The following UGP2 variants were observed in gnomAD, a reference collection of about 807,000 sequenced individuals.
UGP2 encodes UTP--glucose-1-phosphate uridylyltransferase.
Under a neutral mutation model 49.0 loss-of-function variants are expected in UGP2, and 40 were observed. The observed-to-expected ratio is 0.82, with a 90% CI of 0.63 to 1.06. The LOEUF (loss-of-function observed/expected upper bound fraction) is 1.06. Ranked by LOEUF, UGP2 falls within the 50% of genes least tolerant of loss-of-function variation. The probability of loss-of-function intolerance (pLI) is 0.00; values close to 1 mark genes in which losing one functional copy is unlikely to be tolerated. For missense variants in UGP2, 460 were observed against 603.5 expected (o/e 0.76, Z 2.49); for synonymous variants, 225 against 213.0 (o/e 1.06, Z -0.49).
chr2:63,890,919 C>G (rs1672097167), intron 9 of UGP2, among the ~76,000 whole-genome samples: 1 of 152,152 alleles, frequency 6.6e-6, no homozygotes, highest in East Asian at 1.9e-4. Flanking sequence ...GACAGAGAAT[C>G]TAGAACTACT....
chr2:63,851,644 C>A (rs1490794981), intron 1 of UGP2, among the ~76,000 whole-genome samples: 2 of 152,156 alleles, frequency 1.3e-5, no homozygotes, highest in African/African-American at 4.8e-5. Flanking sequence ...TCTGCCTCCC[C>A]TTTTCTGAAA....
At chr2:63,858,808 TTCAG>T (rs1205972695) in intron 3 of UGP2, among the ~76,000 whole-genome samples, 3 of 151,948 alleles carry the variant, frequency 2.0e-5, no homozygotes, top group African/African-American at 4.8e-5. Flanking sequence ...TAGGTGTAAA[TTCAG>T]TCAGATTCTT....
rs575641327 is a variant in UGP2, at chr2:63,869,194, CAG to C, written c.255+11262_255+11263del. On this transcript the variant is annotated intron_variant, in intron 3 of 9. Transcript: ENST00000337130. Reference sequence around the variant, plus strand: ...GTGAATGAAGAAAAAGAAAGATGAACAGAGAATGAAGGGGTAGAGGTAATATT... The same window carrying C: ...GTGAATGAAGAAAAAGAAAGATGAACAGAATGAAGGGGTAGAGGTAATATT... Among the ~76,000 whole-genome samples the C allele has an allele frequency of 2.5e-3, 381 of 152,118 alleles. 2 individuals are homozygous for C. The highest frequency in any genetic ancestry group is 9.0e-3 in the African/African-American group (375 of 41,496).
intron 3 of UGP2, among the ~76,000 whole-genome samples, chr2:63,863,377 CTT>C (rs1247945772): frequency 1.3e-5 from 2 of 151,978 alleles, no homozygotes; most frequent in African/African-American, 4.8e-5. Context: ...TCTGCCAATT[CTT>C]TTATTGTCAT....
At chr2:63,856,568 AT>A in intron 2 of UGP2, 135 bp downstream of exon 2, 2 of 1,004,512 alleles carry the variant, frequency 2.0e-6, no homozygotes, top group Non-Finnish European at 2.9e-6. Flanking sequence ...AAACAAAAAA[AT>A]TAGAATTGCT....
At chr2:63,846,391 C>A (rs1403128442) in intron 1 of UGP2, among the ~76,000 whole-genome samples, 1 of 152,008 alleles carries the variant, frequency 6.6e-6, no homozygotes. Flanking sequence ...TGTTGTCTAG[C>A]CAGCTAAGGC....
At chr2:63,867,256 C>T (rs569475710) in intron 3 of UGP2, among the ~76,000 whole-genome samples, 1 of 152,030 alleles carries the variant, frequency 6.6e-6, no homozygotes, top group Non-Finnish European at 1.5e-5. Flanking sequence ...GTATTTAACA[C>T]TTTTTTTTCC....
chr2:63,847,781 A>C (rs929524416), intron 1 of UGP2, among the ~76,000 whole-genome samples: 2 of 152,098 alleles, frequency 1.3e-5, no homozygotes, highest in African/African-American at 4.8e-5. Flanking sequence ...TTTGTGGTGG[A>C]ATGTCATCAG....
intron 6 of UGP2, 71 bp downstream of exon 6, chr2:63,885,957 T>C (rs1671641529): frequency 2.7e-6 from 4 of 1,456,812 alleles, no homozygotes; most frequent in Non-Finnish European, 1.8e-6. Flanking sequence ...TTAAAGACTT[T>C]TTTATTTGAA....
rs1194972674 is a variant in UGP2 at position 63,857,997 on chromosome 2, G to A, written c.255+61G>A. 3.3e-6 allele frequency: 5 copies of A among 1,512,332 alleles called. No homozygotes were observed. The East Asian group carries it at 9.1e-5, about 27-fold the overall frequency. The allele number at this position is 1,512,332 out of a possible 1,614,324, so 93.7% of individuals were successfully genotyped here. On this transcript the variant is annotated intron_variant, in intron 3 of 9. Coordinates refer to ENST00000337130, the MANE Select transcript of UGP2 (RefSeq NM_006759.4). ...AATCTTGGGCACTGGTTTTAACTTAGGACGGTTGGGTAGTGTAGGGGACCT... is the reference window on the plus strand; with the variant it reads ...AATCTTGGGCACTGGTTTTAACTTAAGACGGTTGGGTAGTGTAGGGGACCT...
In UGP2 at chr2:63,891,183, G is replaced by A. The variant is rs1672129098; in HGVS notation, c.1483G>A (p.Glu495Lys). Residue 495 changes from glutamate (E) to lysine (K), a missense_variant, in exon 10 of 10, where the codon GAG becomes AAG. By Grantham distance (56) the Glu-to-Lys change is moderately conservative (BLOSUM62 1). This residue lies in a region of UGP2 where 317 missense variants were observed against 473.0 expected (regional missense o/e 0.67). Coordinates refer to ENST00000337130, the MANE Select transcript of UGP2 (RefSeq NM_006759.4). ...RIDIPPGAVL[E>K]NKIVSGNLRI... ...TGATATCCCACCTGGAGCAGTATTA[G>A]AGAACAAGATTGTGTCTGGAAACCT... 2 of 1,613,706 alleles carry A rather than the reference G, an allele frequency of 1.2e-6. No homozygotes were observed. Among genetic ancestry groups the A allele is most frequent in the African/African-American group, 2.7e-5 (2 of 74,872 alleles).
At chr2:63,855,702 T>C (rs1669366667) in intron 1 of UGP2, 2 of 430,158 alleles carry the variant, frequency 4.6e-6, no homozygotes, top group South Asian at 1.6e-5. Context: ...CCACCACACC[T>C]GGCTAATTTT....
chr2:63,842,159 G>C lies in UGP2; in HGVS notation c.-27G>C. On this transcript the variant is annotated 5_prime_UTR_variant, in exon 1 of 10. Coordinates refer to ENST00000337130, the MANE Select transcript of UGP2 (RefSeq NM_006759.4). Reference sequence around the variant, plus strand: ...ACTCCTCTAGAAAAAAAAAAAAAAAGCCGGAGTATTTTACTAAGCCCCTAA... The same window carrying C: ...ACTCCTCTAGAAAAAAAAAAAAAAACCCGGAGTATTTTACTAAGCCCCTAA... 1 of 1,558,512 alleles carries C rather than the reference G, an allele frequency of 6.4e-7. No individual in the cohort carries two copies. Among genetic ancestry groups the C allele is most frequent in the Non-Finnish European group, 8.6e-7 (1 of 1,162,824 alleles).
intron 1 of UGP2, chr2:63,855,770 G>C (rs1242866918): frequency 8.8e-6 from 3 of 339,362 alleles, no homozygotes; most frequent in Middle Eastern, 1.0e-3. Flanking sequence ...TCAAACTCCT[G>C]GGCTCCAGGG....
intron 7 of UGP2, 92 bp from the exon 8 acceptor site, chr2:63,887,310 A>T (rs1037820852): frequency 6.6e-7 from 1 of 1,522,652 alleles, no homozygotes; most frequent in African/African-American, 1.4e-5. Flanking sequence ...GATCTCTGAA[A>T]TCACTTCCCA....
chr2:63,860,184 C>T (rs1320230564), intron 3 of UGP2, among the ~76,000 whole-genome samples: 1 of 152,062 alleles, frequency 6.6e-6, no homozygotes, highest in Admixed American at 6.5e-5. Context: ...AAAGAAATTA[C>T]TGTGGAAGAA....
intron 1 of UGP2, chr2:63,854,954 CCTTT>C (rs1259063514): frequency 6.6e-6 from 1 of 152,342 alleles, no homozygotes; most frequent in Non-Finnish European, 1.5e-5. Context: ...TTTCAGCCAG[CCTTT>C]CTTAGCTTGG....
intron 3 of UGP2, among the ~76,000 whole-genome samples, chr2:63,874,616 T>G (rs532717767): frequency 1.3e-5 from 2 of 152,162 alleles, no homozygotes; most frequent in East Asian, 3.9e-4. Flanking sequence ...TATCTGAGAG[T>G]GCAGATAAGA....
intron 2 of UGP2, among the ~76,000 whole-genome samples, chr2:63,857,065 C>G (rs1283959118): frequency 1.3e-5 from 2 of 151,958 alleles, no homozygotes; most frequent in Non-Finnish European, 2.9e-5. Flanking sequence ...TTTGGGAGAC[C>G]AAGGCAGGAG....
Sources: allele counts gnomAD v4.1 joint callset (sites outside exome capture counted in the v4.1 genomes callset), GRCh38; gene constraint gnomAD v4.1.1; regional missense constraint gnomAD v4.1.1; transcripts MANE v1.5; gene names NCBI Gene and HGNC (gene_info 2026-07-23, HGNC 2026-07-21).